Variants in LRRC4C observed in about 807,000 individuals in gnomAD.
The protein encoded by LRRC4C is leucine rich repeat containing 4C.
A neutral mutation model predicts 33.6 loss-of-function variants in LRRC4C; 5 were observed. The ratio of observed to expected loss-of-function variants is 0.15; its 90% confidence interval spans 0.08 to 0.31. The LOEUF (loss-of-function observed/expected upper bound fraction) is 0.31, where lower values mean the gene tolerates loss of function less well. Among genes scored for constraint, LRRC4C ranks in the 10% least tolerant of loss-of-function variants. The pLI is 1.00. For synonymous variants in LRRC4C, 329 were observed against 302.0 expected, an observed-to-expected ratio of 1.09 and a Z score of -0.93; for missense variants, 560 against 796.7, an observed-to-expected ratio of 0.70 and a Z score of 3.58.
intron 2 of LRRC4C, among the ~76,000 whole-genome samples, chr11:40,816,006 G>C (rs551192040): frequency 6.6e-6 from 1 of 152,294 alleles, no homozygotes; most frequent in Non-Finnish European, 1.5e-5. Flanking sequence ...AAAGCAAAGA[G>C]CTAAGAGGAC....
At chr11:40,120,690 A>T (rs1855761380) in intron 6 of LRRC4C, among the ~76,000 whole-genome samples, 1 of 152,142 alleles carries the variant, frequency 6.6e-6, no homozygotes, top group African/African-American at 2.4e-5. Context: ...GTCTCAGGCA[A>T]AACAGGTAGA....
At chr11:41,214,841 T>G (rs1241036446) in intron 1 of LRRC4C, among the ~76,000 whole-genome samples, 1 of 147,022 alleles carries the variant, frequency 6.8e-6, no homozygotes, top group African/African-American at 2.5e-5. Context: ...TATGTATATA[T>G]AAATAAATGC....
intron 4 of LRRC4C, among the ~76,000 whole-genome samples, chr11:40,310,588 A>C (rs1415800830): frequency 6.6e-6 from 1 of 152,200 alleles, no homozygotes; most frequent in Non-Finnish European, 1.5e-5. Flanking sequence ...AAAAAGAAGC[A>C]CTAGCTTAGC....
chr11:40,359,764 T>C (rs1182519531), intron 3 of LRRC4C, among the ~76,000 whole-genome samples: 4 of 152,190 alleles, frequency 2.6e-5, no homozygotes, highest in Admixed American at 2.6e-4. Context: ...AATAGCCTCA[T>C]CTTTCCCAAT....
At chr11:40,126,947 G>A (rs1053176615) in intron 6 of LRRC4C, among the ~76,000 whole-genome samples, 20 of 148,724 alleles carry the variant, frequency 1.3e-4, no homozygotes, top group African/African-American at 2.3e-4. Context: ...GTGACAGAGC[G>A]AAACTTTGTC....
intron 3 of LRRC4C, among the ~76,000 whole-genome samples, chr11:40,438,935 T>C (rs1005794645): frequency 2.1e-5 from 3 of 143,738 alleles, no homozygotes; most frequent in African/African-American, 7.8e-5. Flanking sequence ...ACTTTTTTTT[T>C]TTTTTTTTTT....
Position 40,458,686 on chromosome 11 carries a change from G to A in LRRC4C, c.-269-138965C>T, listed in dbSNP as rs149111679. Among the ~76,000 whole-genome samples the A allele has an allele frequency of 3.8e-4, 58 of 152,142 alleles. 2 individuals carry two copies. The highest frequency in any genetic ancestry group is 1.3e-3 in the African/African-American group (52 of 41,546). Reference sequence around the variant, plus strand: ...TCACCTAAACTTGTTTTCTTTTGTAGGCAAGGATTCCAACAGTCTACTGAA... The same window carrying A: ...TCACCTAAACTTGTTTTCTTTTGTAAGCAAGGATTCCAACAGTCTACTGAA... On this transcript the variant is annotated intron_variant, in intron 3 of 6. Coordinates refer to ENST00000528697, the MANE Select transcript of LRRC4C (RefSeq NM_001258419.2).
At chr11:41,124,474 A>C (rs1021550142) in intron 1 of LRRC4C, among the ~76,000 whole-genome samples, 2 of 152,218 alleles carry the variant, frequency 1.3e-5, no homozygotes, top group Admixed American at 1.3e-4. Context: ...GTTCTACAGC[A>C]CTTGGCAATT....
intron 3 of LRRC4C, among the ~76,000 whole-genome samples, chr11:40,409,675 C>T (rs1047774947): frequency 8.5e-4 from 129 of 152,014 alleles, no homozygotes; most frequent in Middle Eastern, 3.4e-3. Context: ...ATCAAAACTA[C>T]CATGAGATAT....
chr11:41,050,202 A>C (rs2138109098), intron 1 of LRRC4C, among the ~76,000 whole-genome samples: 1 of 152,322 alleles, frequency 6.6e-6, no homozygotes, highest in Non-Finnish European at 1.5e-5. Flanking sequence ...TTCTGTGGCC[A>C]TGAAAAATTT....
chr11:40,930,124 A>G (rs954243), intron 2 of LRRC4C, among the ~76,000 whole-genome samples: 1 of 152,176 alleles, frequency 6.6e-6, no homozygotes, highest in African/African-American at 2.4e-5. Context: ...AAGACTTGTT[A>G]CCACTTCTAG....
At chr11:40,394,708 T>C (rs560502758) in intron 3 of LRRC4C, among the ~76,000 whole-genome samples, 93 of 152,098 alleles carry the variant, frequency 6.1e-4, no homozygotes, top group Non-Finnish European at 9.7e-4. Context: ...AGGTAAATAA[T>C]AGAAGAGGCA....
At chr11:40,576,379 C>T (rs1455031884) in intron 3 of LRRC4C, among the ~76,000 whole-genome samples, 1 of 152,208 alleles carries the variant, frequency 6.6e-6, no homozygotes, top group Non-Finnish European at 1.5e-5. Context: ...TGCTTCTAGA[C>T]CAGTTCCTTT....
At chr11:40,595,266 A>T (rs1003376442) in intron 3 of LRRC4C, among the ~76,000 whole-genome samples, 8 of 152,096 alleles carry the variant, frequency 5.3e-5, no homozygotes, top group African/African-American at 1.4e-4. Flanking sequence ...AAATCATGAT[A>T]AATATAAATT....
intron 1 of LRRC4C, among the ~76,000 whole-genome samples, chr11:41,322,647 C>T (rs182605702): frequency 2.2e-4 from 34 of 152,188 alleles, no homozygotes; most frequent in Admixed American, 3.9e-4. Context: ...TGTCTATCAC[C>T]ATAGATCAGG....
At chr11:40,554,561 A>G (rs1259369246) in intron 3 of LRRC4C, among the ~76,000 whole-genome samples, 4 of 152,152 alleles carry the variant, frequency 2.6e-5, no homozygotes, top group Non-Finnish European at 5.9e-5. Context: ...CAGTATGGCC[A>G]TGTTAACAAT....
At chr11:40,488,572 A>G (rs1313159311) in intron 3 of LRRC4C, among the ~76,000 whole-genome samples, 1 of 152,038 alleles carries the variant, frequency 6.6e-6, no homozygotes, top group Non-Finnish European at 1.5e-5. Context: ...TATTCCTCCT[A>G]CATTTGAACT....
At chr11:40,587,011 G>A (rs986343572) in intron 3 of LRRC4C, among the ~76,000 whole-genome samples, 11 of 151,854 alleles carry the variant, frequency 7.2e-5, no homozygotes, top group Non-Finnish European at 1.5e-4. Flanking sequence ...ATTCTGTGAA[G>A]AAATTCATTG....
intron 3 of LRRC4C, among the ~76,000 whole-genome samples, chr11:40,426,569 G>A (rs1205303146): frequency 6.6e-6 from 1 of 152,076 alleles, no homozygotes; most frequent in African/African-American, 2.4e-5. Flanking sequence ...CGATCTTCTG[G>A]TGCTTCATTC....
Sources: allele counts gnomAD v4.1 joint callset (sites outside exome capture counted in the v4.1 genomes callset), GRCh38; gene constraint gnomAD v4.1.1; transcripts MANE v1.5; gene names NCBI Gene and HGNC (gene_info 2026-07-23, HGNC 2026-07-21).